Variants in HMCN1 observed in about 807,000 individuals in gnomAD.
HMCN1 encodes the protein hemicentin 1.
A neutral mutation model predicts 625.9 loss-of-function variants in HMCN1; 321 were observed. That is an observed-to-expected ratio of 0.51 (90% CI 0.47 to 0.56). The LOEUF is 0.56. Among genes scored for constraint, HMCN1 ranks in the 20% least tolerant of loss-of-function variants. HMCN1 has a pLI of 0.00. For synonymous variants in HMCN1, 2,425 were observed against 2,417.6 expected, an observed-to-expected ratio of 1.00 and a Z score of -0.09; for missense variants, 6,588 against 6,887.3, an observed-to-expected ratio of 0.96 and a Z score of 1.54.
intron 1 of HMCN1, among the ~76,000 whole-genome samples, chr1:185,832,031 C>T (rs932784622): frequency 6.6e-6 from 1 of 152,140 alleles, no homozygotes; most frequent in African/African-American, 2.4e-5. Flanking sequence ...CGTGGTGGCT[C>T]ACGCCTATAA....
intron 72 of HMCN1, 54 bp downstream of exon 72, chr1:186,113,007 A>G: frequency 6.3e-7 from 1 of 1,597,954 alleles, no homozygotes; most frequent in Non-Finnish European, 8.6e-7. Context: ...AAGGGCATTC[A>G]AAGAGATGAT....
chr1:186,161,362 G>T (rs190697360), intron 97 of HMCN1, among the ~76,000 whole-genome samples: 8 of 150,132 alleles, frequency 5.3e-5, no homozygotes, highest in Admixed American at 5.2e-4. Flanking sequence ...GATGGGTCTT[G>T]TCTCTTTATC....
rs532861328 is a variant in HMCN1 at position 186,108,875 on chromosome 1, G to A, written c.10989+278G>A. ...AAAGTTTGTATTTCCTAGCGCCCAT[G>A]CATTAAAGTTTGATTTGAAATACTC... On this transcript the variant is annotated intron_variant, in intron 71 of 106. Coordinates refer to ENST00000271588, the MANE Select transcript of HMCN1 (RefSeq NM_031935.3). 3.3e-5 allele frequency among the ~76,000 whole-genome samples: 5 copies of A among 152,320 alleles called. No individual in the cohort carries two copies. In the South Asian group the frequency reaches 1.0e-3, roughly 32 times the overall value.
Position 186,053,907 on chromosome 1 carries a change from G to T in HMCN1, c.6783G>T (p.Lys2261Asn). The change falls in exon 44 of 107, where the codon AAG (lysine) becomes AAT (asparagine). Residue 2261 changes from lysine to asparagine, a missense_variant. Physicochemically the swap from Lys to Asn is moderately conservative, Grantham distance 94. Coordinates refer to ENST00000271588, the MANE Select transcript of HMCN1 (RefSeq NM_031935.3). ...AATTACAAATTTCAATTGCTGAAAA[G>T]TCTGATGCAGCACTCTATTCATGTG... Reference protein sequence around the residue: ...GRQLQISIAEKSDAALYSCVA... With the variant: ...GRQLQISIAENSDAALYSCVA... 1 of 1,612,748 alleles carries T rather than the reference G, an allele frequency of 6.2e-7. No homozygotes were observed. Among genetic ancestry groups the T allele is most frequent in the Non-Finnish European group, 8.5e-7 (1 of 1,179,242 alleles).
chr1:186,152,849 C>A lies in HMCN1; in HGVS notation c.14996C>A (p.Ser4999Ter). ...VVSGYVLQLQ[S>*]PAEVTVKDYT... ...AGTGGCTATGTCCTACAGCTTCAGT[C>A]ACCTGCTGAAGTCACTGTAAAGGTA... The change falls in exon 96 of 107, where the codon TCA (serine) becomes TAA (stop). Residue 4999 changes from serine (S) to a stop codon, truncating the protein, a stop_gained. Transcript: ENST00000271588. LOFTEE classifies it high-confidence loss of function. 2 of 1,613,858 alleles carry A rather than the reference C, an allele frequency of 1.2e-6. No individual in the cohort carries two copies. The highest frequency in any genetic ancestry group is 2.2e-5 in the South Asian group (2 of 91,050).
intron 97 of HMCN1, among the ~76,000 whole-genome samples, chr1:186,163,218 A>T (rs1571444923): frequency 6.6e-6 from 1 of 152,252 alleles, no homozygotes; most frequent in Non-Finnish European, 1.5e-5. Context: ...AGCCAGGTGC[A>T]GGATATAATC....
chr1:185,955,358 C>T (rs997867555), intron 11 of HMCN1, among the ~76,000 whole-genome samples: 3 of 152,090 alleles, frequency 2.0e-5, no homozygotes, highest in Non-Finnish European at 4.4e-5. Context: ...GAATTGTATC[C>T]TCATAAAGCA....
In HMCN1 at chr1:186,117,095, C is replaced by T. The variant is rs1187355386; in HGVS notation, c.11663C>T (p.Thr3888Ile). 30 of 1,613,332 alleles carry T rather than the reference C, an allele frequency of 1.9e-5. No homozygotes were observed. The highest frequency in any genetic ancestry group is 2.5e-5 in the Non-Finnish European group (30 of 1,179,518). The change falls in exon 76 of 107, where the codon ACT (threonine) becomes ATT (isoleucine). Residue 3888 changes from threonine (T) to isoleucine (I), a missense_variant. Physicochemically the swap from Thr to Ile is moderately conservative, Grantham distance 89. Around this residue, in one of 3 missense-constraint regions of HMCN1, gnomAD observed 4,628 missense variants for 4,853.1 expected, o/e 0.95. Coordinates refer to ENST00000271588, the MANE Select transcript of HMCN1 (RefSeq NM_031935.3). Reference sequence around the variant, plus strand: ...AACGGTGCTGGAGATGATAAAAGAACTGTGGATCTCACTGTCCAAGGTAGA... The same window carrying T: ...AACGGTGCTGGAGATGATAAAAGAATTGTGGATCTCACTGTCCAAGGTAGA... ...VTNGAGDDKR[T>I]VDLTVQVPPS...
intron 61 of HMCN1, 49 bp downstream of exon 61, chr1:186,088,062 G>T: frequency 6.2e-7 from 1 of 1,611,390 alleles, no homozygotes; most frequent in African/African-American, 1.3e-5. Context: ...ATATGCAAAT[G>T]AAAAAAGTGT....
At chr1:186,017,699 T>A (rs1571722795) in intron 33 of HMCN1, among the ~76,000 whole-genome samples, 1 of 152,042 alleles carries the variant, frequency 6.6e-6, no homozygotes, top group African/African-American at 2.4e-5. Flanking sequence ...TTTAAGATTG[T>A]GTATGTTTTG....
At chr1:186,092,069 A>G (rs1324691989) in intron 64 of HMCN1, among the ~76,000 whole-genome samples, 1 of 151,886 alleles carries the variant, frequency 6.6e-6, no homozygotes, top group East Asian at 1.9e-4. Flanking sequence ...TAAAGATAAG[A>G]TCTTTTATAT....
intron 38 of HMCN1, 27 bp from the exon 39 acceptor site, chr1:186,039,701 T>C: frequency 1.2e-6 from 2 of 1,609,952 alleles, no homozygotes; most frequent in Non-Finnish European, 8.5e-7. Context: ...GATATTAACG[T>C]GTCTTACTTT....
At chr1:185,747,607 A>C (rs1654506789) in intron 1 of HMCN1, among the ~76,000 whole-genome samples, 1 of 152,150 alleles carries the variant, frequency 6.6e-6, no homozygotes, top group Admixed American at 6.5e-5. Context: ...GGCATGAGCC[A>C]CCGCACCCGG....
In HMCN1 at chr1:186,130,165, CTTTA is replaced by C. The variant is rs1571394468; in HGVS notation, c.13039+69_13039+72del. On this transcript the variant is annotated intron_variant, in intron 84 of 106. Transcript: ENST00000271588. ...ATAATGAATAGTTCAAGTTTTGCTT[CTTTA>C]TTTTATGGTAATAAAATATAACTTC... 18 of 1,600,340 alleles carry C rather than the reference CTTTA, an allele frequency of 1.1e-5. No individual in the cohort carries two copies. In the East Asian group the frequency reaches 4.0e-4, roughly 36 times the overall value.
chr1:186,115,678 AG>A (rs1661100350), intron 75 of HMCN1, among the ~76,000 whole-genome samples: 1 of 152,178 alleles, frequency 6.6e-6, no homozygotes, highest in African/African-American at 2.4e-5. Flanking sequence ...TTATTTGTTT[AG>A]TACCTTTTGG....
intron 1 of HMCN1, among the ~76,000 whole-genome samples, chr1:185,840,810 A>G (rs1367578240): frequency 1.3e-5 from 2 of 152,174 alleles, no homozygotes; most frequent in East Asian, 1.9e-4. Context: ...AGCTTTTCAT[A>G]TATTTATTCA....
Position 186,000,222 on chromosome 1 carries a change from A to G in HMCN1, c.4052A>G (p.Tyr1351Cys), listed in dbSNP as rs1207350132. The G allele has an allele frequency of 6.2e-7, 1 of 1,612,698 alleles. No homozygotes were observed. Among genetic ancestry groups the G allele is most frequent in the African/African-American group, 1.3e-5 (1 of 74,980 alleles). The part of the protein sequence containing the change: ...VNEAGTTERK[Y>C]NLKVHVPPVI... Reference sequence around the variant, plus strand: ...GAAGCTGGAACCACAGAAAGAAAATATAACCTCAAAGTCCATGGTAAATGT... The same window carrying G: ...GAAGCTGGAACCACAGAAAGAAAATGTAACCTCAAAGTCCATGGTAAATGT... Residue 1351 changes from tyrosine (Y) to cysteine (C), a missense_variant, in exon 26 of 107, where the codon TAT becomes TGT. Transcript: ENST00000271588.
intron 6 of HMCN1, among the ~76,000 whole-genome samples, chr1:185,917,985 G>A (rs1308734830): frequency 6.6e-6 from 1 of 152,084 alleles, no homozygotes; most frequent in African/African-American, 2.4e-5. Context: ...GTAGGTCAAG[G>A]CTACCTATTT....
intron 40 of HMCN1, 78 bp downstream of exon 40, chr1:186,041,214 G>T (rs1292401198): frequency 8.7e-6 from 11 of 1,260,584 alleles, no homozygotes; most frequent in South Asian, 1.2e-5. Context: ...GTTAAGGGAA[G>T]TTGTTGACAA....
Sources: gnomAD v4.1 joint callset for allele counts (sites outside exome capture counted in the v4.1 genomes callset) on GRCh38, gnomAD v4.1.1 for gene constraint, gnomAD v4.1.1 regional missense constraint, MANE v1.5 for transcripts, NCBI Gene and HGNC (gene_info 2026-07-23, HGNC 2026-07-21) for gene names.